The following TUBGCP3 variants were observed in gnomAD, a reference collection of about 807,000 sequenced individuals.
TUBGCP3 encodes tubulin gamma complex component 3, also known as gamma-tubulin complex component 3.
Under a neutral mutation model 123.1 loss-of-function variants are expected in TUBGCP3, and 50 were observed. The ratio of observed to expected loss-of-function variants is 0.41; its 90% CI spans 0.32 to 0.51. The LOEUF (loss-of-function observed/expected upper bound fraction) is 0.51, where lower values mean the gene tolerates loss of function less well. TUBGCP3 is among the 20% of genes least tolerant of loss of function. TUBGCP3 has a pLI of 0.36. For missense variants in TUBGCP3, 882 were observed against 1,127.0 expected (o/e 0.78, Z 3.11); for synonymous variants, 405 against 413.9 (o/e 0.98, Z 0.26).
chr13:112,518,803 T>C (rs991126035), intron 16 of TUBGCP3, among the ~76,000 whole-genome samples, 172 bp downstream of exon 16: 2 of 152,218 alleles, frequency 1.3e-5, no homozygotes, highest in African/African-American at 4.8e-5. Context: ...TCATTAATAA[T>C]CATTTAAAAC....
At chr13:112,533,084 T>C (rs751651319) in intron 11 of TUBGCP3, among the ~76,000 whole-genome samples, 1 of 152,144 alleles carries the variant, frequency 6.6e-6, no homozygotes, top group African/African-American at 2.4e-5. Context: ...CTCAAAGAGC[T>C]TCCAGGAAGG....
At chr13:112,567,267 C>T (rs1389533022) in intron 2 of TUBGCP3, among the ~76,000 whole-genome samples, 1 of 152,184 alleles carries the variant, frequency 6.6e-6, no homozygotes, top group East Asian at 1.9e-4. Flanking sequence ...AAGGAAAATC[C>T]CAGATTCCCT....
chr13:112,563,341 G>C (rs1356792550), intron 3 of TUBGCP3, among the ~76,000 whole-genome samples: 1 of 152,144 alleles, frequency 6.6e-6, no homozygotes, highest in Non-Finnish European at 1.5e-5. Flanking sequence ...CAAAATGATG[G>C]AATGGCTACT....
At chr13:112,572,488 A>T (rs139955453) in intron 1 of TUBGCP3, among the ~76,000 whole-genome samples, 198 of 151,584 alleles carry the variant, frequency 1.3e-3, no homozygotes, top group African/African-American at 4.7e-3. Context: ...CTCACTGTTC[A>T]ACTCCCACTT....
rs115186728 is a variant in TUBGCP3 at position 112,509,427 on chromosome 13, A to T, written c.2087-4713T>A. ...GCGTGATGTTGACACTGGACGTCAG[A>T]GCAGGCAGTCTGCATTCCTCCAGAT... On this transcript the variant is annotated intron_variant, in intron 17 of 21. Transcript: ENST00000261965. Among the ~76,000 whole-genome samples, 235 of 152,336 alleles carry T rather than the reference A, an allele frequency of 1.5e-3. 3 individuals carry two copies. Among genetic ancestry groups the T allele is most frequent in the African/African-American group, 5.5e-3 (227 of 41,572 alleles).
chr13:112,583,239 G>A (rs1882394663), intron 1 of TUBGCP3, among the ~76,000 whole-genome samples: 1 of 152,120 alleles, frequency 6.6e-6, no homozygotes, highest in Non-Finnish European at 1.5e-5. Context: ...TTATTAACCT[G>A]AAAATATTAA....
At chr13:112,518,877 TGAATTA>T in intron 16 of TUBGCP3, 92 bp downstream of exon 16, 1 of 1,023,826 alleles carries the variant, frequency 9.8e-7, no homozygotes, top group South Asian at 1.3e-5. Context: ...AGTGATCACT[TGAATTA>T]GAAGTCCCCA....
At position 112,524,749 on chromosome 13, in the gene TUBGCP3, T is replaced by C. The variant is rs534635692; in HGVS notation, c.1555+2193A>G. ...CACGGGAGCTCTTGCTACACCATCC[T>C]GCCTTGTCCTGAGTTACCATGGTGA... is the stretch of plus-strand genomic sequence containing the variant. On this transcript the variant is annotated intron_variant, in intron 13 of 21. Transcript: ENST00000261965. The surrounding 1 kb of genome is among the most constrained non-coding windows in gnomAD (Gnocchi z 4.4). 1.3e-5 allele frequency among the ~76,000 whole-genome samples: 2 copies of C among 152,324 alleles called. No individual in the cohort carries two copies. The highest frequency in any genetic ancestry group is 2.1e-4 in the South Asian group (1 of 4,826).
chr13:112,527,627 G>A (rs1334983578), intron 11 of TUBGCP3, 143 bp from the exon 12 acceptor site: 1 of 601,586 alleles, frequency 1.7e-6, no homozygotes, highest in Non-Finnish European at 2.9e-6. Flanking sequence ...AATAAAACTT[G>A]TATGAAACAC....
At chr13:112,553,152 C>T (rs900373795) in intron 8 of TUBGCP3, among the ~76,000 whole-genome samples, 5 of 151,996 alleles carry the variant, frequency 3.3e-5, no homozygotes, top group African/African-American at 9.6e-5. Flanking sequence ...TGTTCTTACC[C>T]ACTAGCCACA....
chr13:112,578,500 A>G (rs1392894437), intron 1 of TUBGCP3, among the ~76,000 whole-genome samples: 3 of 129,300 alleles, frequency 2.3e-5, no homozygotes, highest in African/African-American at 8.9e-5. Flanking sequence ...CGGAGCTTGC[A>G]GTGAGCCGGG....
upstream of TUBGCP3, among the ~76,000 whole-genome samples, chr13:112,588,338 T>C (rs921971475): frequency 6.6e-6 from 1 of 152,134 alleles, no homozygotes; most frequent in African/African-American, 2.4e-5. Context: ...GTCGCGAGCG[T>C]GACGGGCTTG....
intron 11 of TUBGCP3, among the ~76,000 whole-genome samples, chr13:112,530,213 C>T (rs1049829599): frequency 2.0e-5 from 3 of 152,048 alleles, no homozygotes; most frequent in African/African-American, 7.2e-5. Flanking sequence ...TGAATAAACT[C>T]TAAATAAAAT....
At chr13:112,507,242 C>T (rs1040128982) in intron 17 of TUBGCP3, among the ~76,000 whole-genome samples, 3 of 152,146 alleles carry the variant, frequency 2.0e-5, no homozygotes, top group Non-Finnish European at 2.9e-5. Context: ...CCCTGACATC[C>T]GATGTCTCCA....
intron 3 of TUBGCP3, among the ~76,000 whole-genome samples, chr13:112,563,616 C>T (rs1255302269): frequency 2.0e-5 from 3 of 151,584 alleles, no homozygotes; most frequent in Non-Finnish European, 4.4e-5. Context: ...GTAATCCCAC[C>T]ACTTTGGGAG....
At chr13:112,566,116 G>C (rs557942384) in intron 2 of TUBGCP3, among the ~76,000 whole-genome samples, 1 of 152,190 alleles carries the variant, frequency 6.6e-6, no homozygotes, top group South Asian at 2.1e-4. Flanking sequence ...CAGTTGCAGC[G>C]AATGAGAAGT....
chr13:112,544,008 T>C (rs1374922291), intron 11 of TUBGCP3, among the ~76,000 whole-genome samples: 1 of 152,172 alleles, frequency 6.6e-6, no homozygotes, highest in Non-Finnish European at 1.5e-5. Context: ...AGATGGCACA[T>C]TTCGTGCATT....
chr13:112,577,021 A>T (rs1440087016), intron 1 of TUBGCP3, among the ~76,000 whole-genome samples: 3 of 152,166 alleles, frequency 2.0e-5, no homozygotes, highest in East Asian at 3.9e-4. Flanking sequence ...CAGAATTGAT[A>T]AACCTTTGCC....
chr13:112,526,196 C>T (rs1296386859), intron 13 of TUBGCP3, among the ~76,000 whole-genome samples: 3 of 149,374 alleles, frequency 2.0e-5, no homozygotes, highest in Non-Finnish European at 4.5e-5. Flanking sequence ...CTGCCACCAC[C>T]ACGCCATCAT....
Sources: allele counts gnomAD v4.1 joint callset (sites outside exome capture counted in the v4.1 genomes callset), GRCh38; gene constraint gnomAD v4.1.1; non-coding constraint Gnocchi (gnomAD v3.1); transcripts MANE v1.5; gene names NCBI Gene and HGNC (gene_info 2026-07-23, HGNC 2026-07-21).